ASAH1: variants seen among roughly 807,000 people sequenced by gnomAD.
ASAH1 encodes the protein N-acylsphingosine amidohydrolase 1.
Under a neutral mutation model 59.5 loss-of-function variants are expected in ASAH1, and 70 were observed. That is an observed-to-expected ratio of 1.18 (90% CI 0.97 to 1.43). ASAH1 has a LOEUF of 1.43. ASAH1 is among the 40% of genes most tolerant of loss of function. The probability of loss-of-function intolerance (pLI) is 0.00; values close to 1 mark genes in which losing one functional copy is unlikely to be tolerated. For missense variants in ASAH1, 660 were observed against 482.5 expected, an observed-to-expected ratio of 1.37 and a Z score of -3.45; for synonymous variants, 213 against 166.5, an observed-to-expected ratio of 1.28 and a Z score of -2.15.
At chr8:18,071,115 G>A (rs1021267042) in intron 3 of ASAH1, among the ~76,000 whole-genome samples, 185 bp downstream of exon 3, 1 of 151,902 alleles carries the variant, frequency 6.6e-6, no homozygotes, top group Non-Finnish European at 1.5e-5. Context: ...GCTGAGGCAG[G>A]GAAATTGCTA....
At chr8:18,062,221 C>T (rs1411773700) in intron 8 of ASAH1, 58 bp downstream of exon 8, 8 of 1,611,330 alleles carry the variant, frequency 5.0e-6, no homozygotes, top group African/African-American at 1.3e-5. Flanking sequence ...TCAACTTTTA[C>T]ATAACGGTAA....
At chr8:18,073,762 C>A (rs1338042911) in intron 2 of ASAH1, among the ~76,000 whole-genome samples, 1 of 152,110 alleles carries the variant, frequency 6.6e-6, no homozygotes, top group Non-Finnish European at 1.5e-5. Context: ...TTCAAAGGTA[C>A]ATAAATACCA....
intron 2 of ASAH1, among the ~76,000 whole-genome samples, chr8:18,073,867 G>A (rs1424163586): frequency 1.3e-5 from 2 of 152,192 alleles, no homozygotes; most frequent in African/African-American, 2.4e-5. Context: ...AAGCAGGCTA[G>A]TGAGATAAAA....
intron 1 of ASAH1, among the ~76,000 whole-genome samples, chr8:18,077,028 T>C (rs1053840501): frequency 1.4e-4 from 21 of 152,202 alleles, no homozygotes; most frequent in African/African-American, 4.8e-4. Flanking sequence ...TAATAGTGGC[T>C]GGGGGCAGCT....
At position 18,064,450 on chromosome 8, in the gene ASAH1, C is replaced by T. The variant is rs189892461; in HGVS notation, c.457+7G>A. 794 of 1,557,832 alleles carry T rather than the reference C, an allele frequency of 5.1e-4. 3 individuals are homozygous for T. The highest frequency in any genetic ancestry group is 6.3e-4 in the Non-Finnish European group (708 of 1,130,846). On this transcript the variant is annotated splice_region_variant and intron_variant, in intron 6 of 13. Transcript: ENST00000637790. ...ATGCTGCCCACCCTCCCTCAGCGCA[C>T]AATTACCTTTTTTGTCTTCTGCTAC...
At chr8:18,083,238 A>G (rs1490608293) in intron 1 of ASAH1, 1 of 152,276 alleles carries the variant, frequency 6.6e-6, no homozygotes, top group Non-Finnish European at 1.5e-5. Context: ...GAAATGAATT[A>G]TGAAAGAGTA....
chr8:18,071,602 A>C (rs925024770), intron 2 of ASAH1, among the ~76,000 whole-genome samples: 1 of 152,210 alleles, frequency 6.6e-6, no homozygotes, highest in Non-Finnish European at 1.5e-5. Flanking sequence ...CCTGGAATAG[A>C]ATGATCTAGT....
At position 18,069,781 on chromosome 8, in the gene ASAH1, A is replaced by G. The variant is rs1409785352; in HGVS notation, c.303+11T>C. On this transcript the variant is annotated intron_variant, in intron 4 of 13. Transcript: ENST00000637790. ...TGCTTAACATTTATTGTGAGAAATA[A>G]TATCTCTTACCAATTTTTCATCCAC... The G allele has an allele frequency of 4.6e-6, 7 of 1,521,924 alleles. No homozygotes were observed. The South Asian group carries it at 6.7e-5, about 15-fold the overall frequency. The allele number at this position is 1,521,924 out of a possible 1,614,324, so 94.3% of individuals were successfully genotyped here.
intron 1 of ASAH1, among the ~76,000 whole-genome samples, chr8:18,079,939 G>A (rs188089628): frequency 6.6e-6 from 1 of 152,296 alleles, no homozygotes; most frequent in African/African-American, 2.4e-5. Flanking sequence ...CTGATATTTA[G>A]GTCAAAGGAA....
chr8:18,073,174 C>A, intron 2 of ASAH1: 1 of 1,293,224 alleles, frequency 7.7e-7, no homozygotes, highest in Admixed American at 2.3e-5. Context: ...CACATTTTAC[C>A]TCTCGTTAAA....
rs117789510 is a variant in ASAH1, at chr8:18,082,319, C to T, written c.78+1662G>A. ...AAAGAAGAAAAAACAGCCTCCAACA[C>T]CTGAAACTGCTCTGAGTCCCACAGC... On this transcript the variant is annotated intron_variant, in intron 1 of 13. Transcript: ENST00000637790. 5.9e-5 allele frequency among the ~76,000 whole-genome samples: 9 copies of T among 152,286 alleles called. No individual in the cohort carries two copies. In the South Asian group the frequency reaches 6.2e-4, roughly 11 times the overall value.
At chr8:18,079,914 C>A (rs1440726576) in intron 1 of ASAH1, among the ~76,000 whole-genome samples, 2 of 152,220 alleles carry the variant, frequency 1.3e-5, no homozygotes, top group African/African-American at 2.4e-5. Flanking sequence ...GATGGGATGG[C>A]ATCCTATTAA....
At chr8:18,069,234 T>C (rs1800058314) in intron 4 of ASAH1, among the ~76,000 whole-genome samples, 2 of 151,816 alleles carry the variant, frequency 1.3e-5, no homozygotes, top group South Asian at 4.2e-4. Context: ...TTAACAGTTC[T>C]AGGGGCCAGG....
intron 10 of ASAH1, chr8:18,061,128 A>G (rs1445839300): frequency 1.1e-5 from 4 of 362,842 alleles, no homozygotes; most frequent in African/African-American, 8.4e-5. Context: ...CTGTACACCA[A>G]AAATATTCAT....
At position 18,061,674 on chromosome 8, in the gene ASAH1, T is replaced by G; in HGVS notation, c.703+12A>C. The G allele has an allele frequency of 1.3e-6, 2 of 1,583,630 alleles. No individual in the cohort carries two copies. Among genetic ancestry groups the G allele is most frequent in the Non-Finnish European group, 1.7e-6 (2 of 1,162,714 alleles). On this transcript the variant is annotated intron_variant, in intron 9 of 13. Coordinates refer to ENST00000637790, the MANE Select transcript of ASAH1 (RefSeq NM_177924.5). ...CTGAGATTCCCATTTCACTTGAGAA[T>G]GCTCTACTTACCCAGATAACCACCA...
At chr8:18,071,649 A>C (rs943930515) in intron 2 of ASAH1, among the ~76,000 whole-genome samples, 1 of 152,162 alleles carries the variant, frequency 6.6e-6, no homozygotes, top group Non-Finnish European at 1.5e-5. Context: ...CTATGAAAAA[A>C]TCAACTATGG....
chr8:18,061,618 G>A lies in ASAH1; in HGVS notation c.703+68C>T. ...AAGAGGTTGGACTTTGTAACCAGAA[G>A]GCACAGTCCAGCCTTCCTCATAAAA... On this transcript the variant is annotated intron_variant, in intron 9 of 13. Coordinates refer to ENST00000637790, the MANE Select transcript of ASAH1 (RefSeq NM_177924.5). 3.3e-6 allele frequency: 5 copies of A among 1,524,084 alleles called. No individual in the cohort carries two copies. In the South Asian group the frequency reaches 4.6e-5, roughly 14 times the overall value. The allele number at this position is 1,524,084 out of a possible 1,614,324, so 94.4% of individuals were successfully genotyped here. A position where few individuals can be genotyped will look rare whatever the true frequency, so the allele number is the denominator to read the frequency against.
rs1265381379 is a variant in ASAH1 at position 18,056,267 on chromosome 8, G to C, written c.*1267C>G. 6.6e-6 allele frequency: 1 copy of C among 152,218 alleles called. No individual in the cohort carries two copies. Among genetic ancestry groups the C allele is most frequent in the Non-Finnish European group, 1.5e-5 (1 of 68,046 alleles). The allele number at this position is 152,218 out of a possible 1,614,324, so 9.4% of individuals were successfully genotyped here. On this transcript the variant is annotated 3_prime_UTR_variant, in exon 14 of 14. Coordinates refer to ENST00000637790, the MANE Select transcript of ASAH1 (RefSeq NM_177924.5). ...AATTGGGTTGATAGTATCTGGTTAA[G>C]AGGTGGTATCAGTCATGTAAGAGTA... is the stretch of plus-strand genomic sequence containing the variant.
intron 5 of ASAH1, 96 bp from the exon 6 acceptor site, chr8:18,064,627 G>C: frequency 2.6e-6 from 2 of 778,104 alleles, no homozygotes; most frequent in South Asian, 3.0e-5. Context: ...CATTGTGTGA[G>C]TGTGTGCTTT....
Sources: gnomAD v4.1 joint callset for allele counts (sites outside exome capture counted in the v4.1 genomes callset) on GRCh38, gnomAD v4.1.1 for gene constraint, MANE v1.5 for transcripts, NCBI Gene and HGNC (gene_info 2026-07-23, HGNC 2026-07-21) for gene names.